Variants in NAPEPLD observed in about 807,000 individuals in gnomAD.
The protein encoded by NAPEPLD is N-acyl-phosphatidylethanolamine-hydrolyzing phospholipase D.
A neutral mutation model predicts 38.1 loss-of-function variants in NAPEPLD; 23 were observed. The ratio of observed to expected loss-of-function variants is 0.60; its 90% CI spans 0.43 to 0.86. The LOEUF is 0.86. Ranked by LOEUF, NAPEPLD falls within the 40% of genes least tolerant of loss-of-function variation. The pLI, the probability that NAPEPLD is intolerant of heterozygous loss-of-function variation, is 0.00. For synonymous variants in NAPEPLD, 147 were observed against 162.0 expected (o/e 0.91, Z 0.71); for missense variants, 411 against 476.8 (o/e 0.86, Z 1.28).
At chr7:103,113,392 T>TG (rs1329897952) in intron 4 of NAPEPLD, among the ~76,000 whole-genome samples, 1 of 151,642 alleles carries the variant, frequency 6.6e-6, no homozygotes, top group Non-Finnish European at 1.5e-5. Context: ...GATTAGGGAG[T>TG]GGGGGAATGG....
intron 2 of NAPEPLD, among the ~76,000 whole-genome samples, chr7:103,125,737 A>T (rs1807619643): frequency 6.6e-6 from 1 of 151,984 alleles, no homozygotes; most frequent in Non-Finnish European, 1.5e-5. Context: ...TACAAAAAAA[A>T]TTAGCCAGGC....
At chr7:103,119,212 G>C (rs1473211280) in intron 3 of NAPEPLD, among the ~76,000 whole-genome samples, 1 of 152,036 alleles carries the variant, frequency 6.6e-6, no homozygotes, top group Non-Finnish European at 1.5e-5. Context: ...CCCTGATTTT[G>C]AGTAATTTTT....
chr7:103,104,240 T>G (rs1174459316), intron 4 of NAPEPLD, among the ~76,000 whole-genome samples: 2 of 152,140 alleles, frequency 1.3e-5, no homozygotes, highest in African/African-American at 4.8e-5. Flanking sequence ...CAAGTGGAGA[T>G]GTGAAGGAGA....
At chr7:103,125,701 T>G (rs1405914389) in intron 2 of NAPEPLD, among the ~76,000 whole-genome samples, 1 of 151,886 alleles carries the variant, frequency 6.6e-6, no homozygotes. Flanking sequence ...TGGCCAAACA[T>G]GGTGAAACCC....
intron 4 of NAPEPLD, among the ~76,000 whole-genome samples, chr7:103,107,177 C>G (rs945875016): frequency 1.3e-5 from 2 of 150,556 alleles, no homozygotes; most frequent in Admixed American, 6.6e-5. Flanking sequence ...AGAAGGAAAA[C>G]TAACTAACAG....
chr7:103,122,230 C>G (rs1015570952), intron 2 of NAPEPLD, among the ~76,000 whole-genome samples: 4 of 151,856 alleles, frequency 2.6e-5, no homozygotes, highest in African/African-American at 9.7e-5. Flanking sequence ...CACGCCAGGC[C>G]TAGGAGGTAT....
At chr7:103,139,601 C>T (rs1406546474) in intron 1 of NAPEPLD, among the ~76,000 whole-genome samples, 2 of 152,162 alleles carry the variant, frequency 1.3e-5, no homozygotes, top group Non-Finnish European at 2.9e-5. Context: ...CTGATGGCAA[C>T]AGAGAGGGTG....
intron 3 of NAPEPLD, 92 bp downstream of exon 3, chr7:103,119,485 A>C: frequency 7.1e-7 from 1 of 1,409,108 alleles, no homozygotes; most frequent in Non-Finnish European, 9.5e-7. Context: ...TAAAATCATA[A>C]ATTACAGTGT....
chr7:103,124,523 C>T (rs1807364060), intron 2 of NAPEPLD, among the ~76,000 whole-genome samples: 1 of 152,012 alleles, frequency 6.6e-6, no homozygotes, highest in Admixed American at 6.6e-5. Flanking sequence ...AGGATGGACT[C>T]TTGTTTACTT....
rs922728189 is a variant in NAPEPLD at position 103,103,139 on chromosome 7, A to G, written c.*290T>C. Reference sequence around the variant, plus strand: ...CAGGAAATTCTAGTACCACAAAAATATAATGTTTTAGTAAAAACATTTCCA... The same window carrying G: ...CAGGAAATTCTAGTACCACAAAAATGTAATGTTTTAGTAAAAACATTTCCA... On this transcript the variant is annotated 3_prime_UTR_variant, in exon 5 of 5. Coordinates refer to ENST00000465647, the MANE Select transcript of NAPEPLD (RefSeq NM_001122838.3). The G allele has an allele frequency of 1.1e-5, 2 of 190,196 alleles. No individual in the cohort carries two copies. The highest frequency in any genetic ancestry group is 2.1e-5 in the Non-Finnish European group (2 of 93,634). 11.8% of individuals were successfully genotyped at this position (190,196 alleles called of 1,614,324 possible). A position where few individuals can be genotyped will look rare whatever the true frequency, so the allele number is the denominator to read the frequency against.
At chr7:103,112,482 T>C (rs1343690677) in intron 4 of NAPEPLD, among the ~76,000 whole-genome samples, 1 of 151,988 alleles carries the variant, frequency 6.6e-6, no homozygotes, top group Non-Finnish European at 1.5e-5. Context: ...AAACCATCAT[T>C]CTCAGCAAAC....
At chr7:103,144,843 C>T (rs2129537323) in intron 1 of NAPEPLD, among the ~76,000 whole-genome samples, 1 of 152,100 alleles carries the variant, frequency 6.6e-6, no homozygotes. Context: ...AAAACTCTGT[C>T]TCTACTAAAA....
intron 2 of NAPEPLD, among the ~76,000 whole-genome samples, chr7:103,125,329 T>A (rs1191539120): frequency 6.6e-6 from 1 of 152,216 alleles, no homozygotes; most frequent in Non-Finnish European, 1.5e-5. Flanking sequence ...TCTATCAAAA[T>A]GGCTTAGTAT....
chr7:103,105,667 G>A (rs1238988151), intron 4 of NAPEPLD, among the ~76,000 whole-genome samples: 1 of 152,208 alleles, frequency 6.6e-6, no homozygotes, highest in Admixed American at 6.5e-5. Flanking sequence ...TGGGTAACTG[G>A]CTGGGTGCAG....
At chr7:103,103,770 C>T (rs1585813540) in intron 4 of NAPEPLD, among the ~76,000 whole-genome samples, 1 of 152,248 alleles carries the variant, frequency 6.6e-6, no homozygotes, top group African/African-American at 2.4e-5. Flanking sequence ...AGAAATCATG[C>T]CAACACCATG....
chr7:103,129,729 T>C (rs1808533648), intron 1 of NAPEPLD, among the ~76,000 whole-genome samples: 1 of 152,222 alleles, frequency 6.6e-6, no homozygotes, highest in Non-Finnish European at 1.5e-5. Context: ...GTATCCTAGC[T>C]ATACGACCTT....
chr7:103,149,667 C>A, upstream of NAPEPLD: 1 of 293,322 alleles, frequency 3.4e-6, no homozygotes, highest in Non-Finnish European at 6.4e-6. Context: ...CCCCGGCCCG[C>A]CTCGCGACTC....
chr7:103,128,493 C>A lies in NAPEPLD; in HGVS notation c.284G>T (p.Ser95Ile). 1 of 1,614,132 alleles carries A rather than the reference C, an allele frequency of 6.2e-7. No individual in the cohort carries two copies. The highest frequency in any genetic ancestry group is 8.5e-7 in the Non-Finnish European group (1 of 1,180,022). ...IMEKDHSSVPSSKEELDKELP... is the reference protein window; with the variant it reads ...IMEKDHSSVPISKEELDKELP... ...AAAGCCAAGCGCTACCTCTTTAGAA[C>A]TTGGAACACTGCTGTGATCTTTCTC... Residue 95 changes from serine (S) to isoleucine (I), a missense_variant, in exon 2 of 5, where the codon AGT (serine) becomes ATT (isoleucine). Physicochemically the swap from Ser to Ile is moderately radical, Grantham distance 142. Coordinates refer to ENST00000465647, the MANE Select transcript of NAPEPLD (RefSeq NM_001122838.3).
chr7:103,145,421 C>A (rs988681057), intron 1 of NAPEPLD, among the ~76,000 whole-genome samples: 5 of 152,138 alleles, frequency 3.3e-5, no homozygotes, highest in Non-Finnish European at 1.5e-5. Context: ...AAAAGTGAGA[C>A]ACTATATGAG....
Sources: gnomAD v4.1 joint callset for allele counts (sites outside exome capture counted in the v4.1 genomes callset) on GRCh38, gnomAD v4.1.1 for gene constraint, MANE v1.5 for transcripts, NCBI Gene and HGNC (gene_info 2026-07-23, HGNC 2026-07-21) for gene names.